Variants in DHRS7C observed in about 807,000 individuals in gnomAD.
The protein encoded by DHRS7C is dehydrogenase/reductase SDR family member 7C.
In DHRS7C, 28 loss-of-function variants were observed where a neutral mutation model predicts 29.6. That is an observed-to-expected ratio of 0.95 (90% CI 0.70 to 1.30). The LOEUF is 1.30. Ranked by LOEUF, DHRS7C falls within the 50% of genes most tolerant of loss-of-function variation. The pLI is 0.00. For synonymous variants in DHRS7C, 158 were observed against 160.2 expected (o/e 0.99, Z 0.10); for missense variants, 403 against 393.3 (o/e 1.02, Z -0.21).
In DHRS7C at chr17:9,791,566, G is replaced by A. The variant is rs1293310362; in HGVS notation, c.-282C>T. Among the ~76,000 whole-genome samples, 1 of 152,218 alleles carries A rather than the reference G, an allele frequency of 6.6e-6. No homozygotes were observed. Among genetic ancestry groups the A allele is most frequent in the Non-Finnish European group, 1.5e-5 (1 of 68,040 alleles). On this transcript the variant is annotated 5_prime_UTR_variant, in exon 1 of 6. Transcript: ENST00000571134. ...TGCATTTTTGGAAGAAAATCCATGT[G>A]TTAAGGCCACTTGCTTGGGCCCTAA...
chr17:9,786,353 A>C (rs2066423702), intron 1 of DHRS7C, among the ~76,000 whole-genome samples: 1 of 143,690 alleles, frequency 7.0e-6, no homozygotes, highest in African/African-American at 2.5e-5. Context: ...TAATAATAAT[A>C]ATAATAATAA....
chr17:9,772,775 A>G lies in DHRS7C; in HGVS notation c.719T>C (p.Ile240Thr). The change falls in exon 5 of 6, where the codon ATT (isoleucine) becomes ACT (threonine). Residue 240 changes from isoleucine to threonine, a missense_variant. By Grantham distance (89) the Ile-to-Thr change is moderately conservative. Coordinates refer to ENST00000571134, the MANE Select transcript of DHRS7C (RefSeq NM_001105571.3). ...TCCCTCTGAAGTCTCACATTTCCAAATGGAAGCTTCCCAGTTTCCTTGCTC... is the reference window on the plus strand; with the variant it reads ...TCCCTCTGAAGTCTCACATTTCCAAGTGGAAGCTTCCCAGTTTCCTTGCTC... The part of the protein sequence containing the change: ...YPEQGNWEAS[I>T]WKFFFRKLTY... 3 of 1,613,760 alleles carry G rather than the reference A, an allele frequency of 1.9e-6. No homozygotes were observed. Among genetic ancestry groups the G allele is most frequent in the Non-Finnish European group, 2.5e-6 (3 of 1,179,818 alleles).
intron 1 of DHRS7C, among the ~76,000 whole-genome samples, chr17:9,784,232 G>A (rs1235062012): frequency 6.6e-6 from 1 of 152,026 alleles, no homozygotes; most frequent in Non-Finnish European, 1.5e-5. Context: ...CAGCACTTTG[G>A]TAGGCCAAGG....
chr17:9,781,004 T>G lies in DHRS7C; in HGVS notation c.267+478A>C, dbSNP rs1033353040. On this transcript the variant is annotated intron_variant, in intron 2 of 5. Transcript: ENST00000571134. ...AGATAAAGATTAGAAAAATATATCC[T>G]GAAGGGAGCTCCAAAGACAGTCCCC... is the stretch of plus-strand genomic sequence containing the variant. 5.9e-5 allele frequency among the ~76,000 whole-genome samples: 9 copies of G among 152,312 alleles called. No homozygotes were observed. The East Asian group carries it at 1.7e-3, about 29-fold the overall frequency.
chr17:9,791,197 A>C lies in DHRS7C; in HGVS notation c.88T>G (p.Trp30Gly). The change falls in exon 1 of 6, where the codon TGG becomes GGG. Residue 30 changes from tryptophan to glycine, a missense_variant. Transcript: ENST00000571134. ...TTGTTCTGCACAGCTGACTTTGACC[A>C]CAGCCTGGACACCTCTTGGTAAATG... Reference protein sequence around the residue: ...LFIYQEVSRLWSKSAVQNKVV... With the variant: ...LFIYQEVSRLGSKSAVQNKVV... 6.2e-7 allele frequency: 1 copy of C among 1,613,762 alleles called. No individual in the cohort carries two copies. Among genetic ancestry groups the C allele is most frequent in the Non-Finnish European group, 8.5e-7 (1 of 1,179,824 alleles).
intron 4 of DHRS7C, 38 bp from the exon 5 acceptor site, chr17:9,772,960 TC>T (rs747476869): frequency 1.2e-6 from 2 of 1,604,630 alleles, no homozygotes; most frequent in South Asian, 2.2e-5. Context: ...CGCAGGACAC[TC>T]CCGGCCCTGC....
At chr17:9,786,328 A>AAATAATAATAAT (rs200610370) in intron 1 of DHRS7C, among the ~76,000 whole-genome samples, 40 of 138,194 alleles carry the variant, frequency 2.9e-4, no homozygotes, top group East Asian at 4.2e-4. Context: ...ACTCCGTCTC[A>AAATAATAATAAT]AATAATAATA....
chr17:9,790,992 G>A, intron 1 of DHRS7C, 139 bp downstream of exon 1: 1 of 1,044,624 alleles, frequency 9.6e-7, no homozygotes, highest in South Asian at 1.9e-5. Flanking sequence ...GTTAATGATA[G>A]AAGCTGGGAG....
At chr17:9,785,217 C>T (rs1028540248) in intron 1 of DHRS7C, 6 of 152,218 alleles carry the variant, frequency 3.9e-5, no homozygotes, top group African/African-American at 1.4e-4. Context: ...ATAGCGGGGA[C>T]TTCGAAGGAG....
rs1453394371 is a variant in DHRS7C, at chr17:9,775,635, A to G, written c.571+1558T>C. On this transcript the variant is annotated intron_variant, in intron 4 of 5. Transcript: ENST00000571134. The surrounding 1 kb of genome is among the most constrained non-coding windows in gnomAD (Gnocchi z 4.2). ...CTGAGCCATTCCCATTGAGGTTACT[A>G]CATGGAGGAGTAATCAAGTTTTCCC... 1.3e-5 allele frequency among the ~76,000 whole-genome samples: 2 copies of G among 152,134 alleles called. No homozygotes were observed. The highest frequency in any genetic ancestry group is 2.9e-5 in the Non-Finnish European group (2 of 68,026).
rs200896291 is a variant in DHRS7C, at chr17:9,790,171, G to GC, written c.154+959dup. Among the ~76,000 whole-genome samples, 47 of 152,176 alleles carry GC rather than the reference G, an allele frequency of 3.1e-4. No individual in the cohort carries two copies. The East Asian group carries it at 9.1e-3, about 29-fold the overall frequency. On this transcript the variant is annotated intron_variant, in intron 1 of 5. Transcript: ENST00000571134. The stretch of plus-strand genomic sequence containing the variant: ...GCAGCACTATGAGAGTAAGTGCCCA[G>GC]CCCCCCAGAGGGACTCTCGGGGCAA...
At chr17:9,771,872 C>G (rs11651065) in intron 5 of DHRS7C, among the ~76,000 whole-genome samples, 176 bp from the exon 6 acceptor site, 9,620 of 152,346 alleles carry the variant, frequency 0.063, 403 homozygotes, top group Non-Finnish European at 0.094. Flanking sequence ...ACACTCCACT[C>G]TCTGCGCTTC....
chr17:9,784,892 G>A lies in DHRS7C; in HGVS notation c.155-3298C>T, dbSNP rs147420350. Among the ~76,000 whole-genome samples the A allele has an allele frequency of 5.3e-5, 8 of 152,308 alleles. No individual in the cohort carries two copies. In the East Asian group the frequency reaches 1.3e-3, roughly 26 times the overall value. ...AGAAATTGGTCTATTGACATGGAAC[G>A]AAGTTCGCAATAGAGTAAGTTTAAA... On this transcript the variant is annotated intron_variant, in intron 1 of 5. Transcript: ENST00000571134.
intron 1 of DHRS7C, among the ~76,000 whole-genome samples, chr17:9,788,717 C>G (rs986515412): frequency 1.3e-5 from 2 of 152,164 alleles, no homozygotes; most frequent in African/African-American, 4.8e-5. Flanking sequence ...GGGTGTGCAG[C>G]GGCTGTGCAC....
intron 3 of DHRS7C, among the ~76,000 whole-genome samples, chr17:9,779,260 C>G (rs1358491036): frequency 1.3e-5 from 2 of 152,160 alleles, no homozygotes; most frequent in Non-Finnish European, 2.9e-5. Context: ...TCCTAGGCCC[C>G]TCAGACAGGT....
rs755563660 is a variant in DHRS7C at position 9,772,858 on chromosome 17, G to A, written c.636C>T (p.Tyr212=). Residue 212 remains tyrosine, a synonymous_variant, in exon 5 of 6, where the codon TAC becomes TAT. Coordinates refer to ENST00000571134, the MANE Select transcript of DHRS7C (RefSeq NM_001105571.3). ...FDCLRAEVEE[Y]DVVISTVSPT... is the part of the protein sequence containing the mutation. Reference sequence around the variant, plus strand: ...GGCTCACGGTGCTGATGACAACATCGTATTCCTCCACTTCGGCTCGGAGGC... The same window carrying A: ...GGCTCACGGTGCTGATGACAACATCATATTCCTCCACTTCGGCTCGGAGGC... 5.0e-6 allele frequency: 8 copies of A among 1,613,912 alleles called. No homozygotes were observed. Among genetic ancestry groups the A allele is most frequent in the Non-Finnish European group, 6.8e-6 (8 of 1,179,882 alleles).
intron 3 of DHRS7C, among the ~76,000 whole-genome samples, chr17:9,778,165 G>T (rs2066372828): frequency 6.6e-6 from 1 of 152,230 alleles, no homozygotes; most frequent in South Asian, 2.1e-4. Flanking sequence ...GCCGAGGCGG[G>T]TGGATAACGA....
intron 5 of DHRS7C, 134 bp downstream of exon 5, chr17:9,772,633 G>T: frequency 8.3e-7 from 1 of 1,206,284 alleles, no homozygotes; most frequent in Non-Finnish European, 1.1e-6. Context: ...GCTGTTGGGG[G>T]TTGCTGAGCC....
intron 4 of DHRS7C, among the ~76,000 whole-genome samples, chr17:9,773,636 G>A (rs1013324384): frequency 6.6e-5 from 10 of 151,574 alleles, no homozygotes; most frequent in South Asian, 2.1e-4. Context: ...TCCTGCCACT[G>A]TGCCCAGATG....
Sources: gnomAD v4.1 joint callset for allele counts (sites outside exome capture counted in the v4.1 genomes callset) on GRCh38, gnomAD v4.1.1 for gene constraint, Gnocchi (gnomAD v3.1) non-coding constraint, MANE v1.5 for transcripts, NCBI Gene and HGNC (gene_info 2026-07-23, HGNC 2026-07-21) for gene names.